Variants in UNC80 observed in about 807,000 individuals in gnomAD.
The protein encoded by UNC80 is protein unc-80 homolog.
Under a neutral mutation model 384.6 loss-of-function variants are expected in UNC80, and 164 were observed. The ratio of observed to expected loss-of-function variants is 0.43; its 90% confidence interval spans 0.38 to 0.49. The LOEUF (loss-of-function observed/expected upper bound fraction) is 0.49. UNC80 is among the 20% of genes least tolerant of loss of function. UNC80 has a pLI of 0.00. For synonymous variants in UNC80, 1,486 were observed against 1,527.8 expected (o/e 0.97, Z 0.64); for missense variants, 3,330 against 4,143.0 (o/e 0.80, Z 5.39).
intron 48 of UNC80, among the ~76,000 whole-genome samples, chr2:209,955,712 T>TAC (rs2092376152): frequency 1.3e-5 from 1 of 75,652 alleles, no homozygotes; most frequent in Non-Finnish European, 2.4e-5. Flanking sequence ...TATATATATA[T>TAC]ATATATATAT....
At chr2:209,963,610 T>C (rs1488153592) in intron 51 of UNC80, among the ~76,000 whole-genome samples, 1 of 152,238 alleles carries the variant, frequency 6.6e-6, no homozygotes, top group Non-Finnish European at 1.5e-5. Context: ...GATATACTCT[T>C]ATTTGTCACA....
intron 64 of UNC80, among the ~76,000 whole-genome samples, 200 bp downstream of exon 64, chr2:209,994,464 A>C (rs1010205147): frequency 1.3e-5 from 2 of 152,222 alleles, no homozygotes; most frequent in Non-Finnish European, 2.9e-5. Context: ...AAGAAGGACC[A>C]AGAAAAGCCT....
At chr2:209,866,490 C>CCCCCCACA (rs1420955284) in intron 22 of UNC80, among the ~76,000 whole-genome samples, 12 of 107,632 alleles carry the variant, frequency 1.1e-4, no homozygotes, top group Non-Finnish European at 1.5e-4. Context: ...AAATGCACCC[C>CCCCCCACA]CACACACACA....
rs2093013887 is a variant in UNC80 at position 209,976,360 on chromosome 2, C to T, written c.8772+57C>T. 2 of 1,547,750 alleles carry T rather than the reference C, an allele frequency of 1.3e-6. No homozygotes were observed. Among genetic ancestry groups the T allele is most frequent in the Non-Finnish European group, 8.7e-7 (1 of 1,144,070 alleles). ...CAAGCTCAAATGAATGTGTGGCTCT[C>T]TACTGAGGCAGGAATATGGCAGGAG... On this transcript the variant is annotated intron_variant, in intron 57 of 64. Coordinates refer to ENST00000673920, the MANE Select transcript of UNC80 (RefSeq NM_001371986.1). This position sits in a 1 kb window ranked among gnomAD's most constrained non-coding sequence, Gnocchi z 4.3.
In UNC80 at chr2:209,781,144, C is replaced by T. The variant is rs1472306772; in HGVS notation, c.600+3585C>T. On this transcript the variant is annotated intron_variant, in intron 4 of 64. Coordinates refer to ENST00000673920, the MANE Select transcript of UNC80 (RefSeq NM_001371986.1). Reference sequence around the variant, plus strand: ...CCAACATGTAATCAAAGCATGAACCCATGCCTCCATATCCTCACCTCCCAT... The same window carrying T: ...CCAACATGTAATCAAAGCATGAACCTATGCCTCCATATCCTCACCTCCCAT... 3.3e-5 allele frequency among the ~76,000 whole-genome samples: 5 copies of T among 152,122 alleles called. No individual in the cohort carries two copies. In the East Asian group the frequency reaches 9.7e-4, roughly 29 times the overall value.
chr2:209,802,182 C>T (rs2078604429), intron 7 of UNC80, among the ~76,000 whole-genome samples: 1 of 151,724 alleles, frequency 6.6e-6, no homozygotes, highest in Admixed American at 6.6e-5. Flanking sequence ...AGATGTTGAT[C>T]AAAGGGTATA....
intron 21 of UNC80, among the ~76,000 whole-genome samples, chr2:209,844,663 C>T (rs1445576486): frequency 6.6e-6 from 1 of 151,364 alleles, no homozygotes; most frequent in Non-Finnish European, 1.5e-5. Flanking sequence ...AATCATAGTC[C>T]ACTGCCGCCT....
chr2:209,890,002 G>A (rs1270538401), intron 26 of UNC80, among the ~76,000 whole-genome samples: 1 of 151,976 alleles, frequency 6.6e-6, no homozygotes, highest in African/African-American at 2.4e-5. Context: ...CCAGCTACTT[G>A]TCTTTTATTC....
chr2:209,889,472 G>C (rs1356226847), intron 26 of UNC80, among the ~76,000 whole-genome samples: 1 of 152,082 alleles, frequency 6.6e-6, no homozygotes, highest in Non-Finnish European at 1.5e-5. Flanking sequence ...TCATGTTTCT[G>C]TCCCTCTGTC....
At chr2:209,897,732 C>T (rs1244049494) in intron 28 of UNC80, among the ~76,000 whole-genome samples, 1 of 152,136 alleles carries the variant, frequency 6.6e-6, no homozygotes, top group Non-Finnish European at 1.5e-5. Context: ...TTCAATAATG[C>T]CTTTTAGTTT....
At chr2:209,816,831 G>T in intron 9 of UNC80, 78 bp from the exon 10 acceptor site, 1 of 1,344,730 alleles carries the variant, frequency 7.4e-7, no homozygotes. Context: ...TTTTACTGCA[G>T]ATCATGGAGC....
intron 51 of UNC80, among the ~76,000 whole-genome samples, chr2:209,964,990 T>C (rs1265868677): frequency 6.6e-6 from 1 of 152,218 alleles, no homozygotes; most frequent in Non-Finnish European, 1.5e-5. Flanking sequence ...ATTTGTTAAA[T>C]GTCATACTGT....
chr2:209,863,882 A>T (rs2083515756), intron 22 of UNC80, among the ~76,000 whole-genome samples: 1 of 151,778 alleles, frequency 6.6e-6, no homozygotes, highest in South Asian at 2.1e-4. Context: ...CCCTTGATGG[A>T]GAGACGCTGC....
intron 48 of UNC80, among the ~76,000 whole-genome samples, chr2:209,957,186 T>G (rs2092449251): frequency 6.6e-6 from 1 of 152,230 alleles, no homozygotes; most frequent in Admixed American, 6.5e-5. Context: ...AGAATTCTTT[T>G]ATTCTTTGAT....
At chr2:209,984,545 G>C (rs1447811120) in intron 60 of UNC80, among the ~76,000 whole-genome samples, 1 of 152,150 alleles carries the variant, frequency 6.6e-6, no homozygotes, top group Non-Finnish European at 1.5e-5. Flanking sequence ...ATCTTCTACA[G>C]ATTCATTCTG....
At chr2:209,856,158 A>G (rs1015506578) in intron 22 of UNC80, among the ~76,000 whole-genome samples, 1 of 152,138 alleles carries the variant, frequency 6.6e-6, no homozygotes, top group Non-Finnish European at 1.5e-5. Context: ...ATTTTTAACA[A>G]TGTGGTGCTT....
At chr2:209,914,076 T>C in intron 31 of UNC80, 136 bp downstream of exon 31, 2 of 1,079,104 alleles carry the variant, frequency 1.9e-6, no homozygotes, top group Admixed American at 5.8e-5. Flanking sequence ...CTGTAGACTC[T>C]AGAGCTGTGT....
At chr2:209,979,174 G>A (rs1018054188) in intron 59 of UNC80, among the ~76,000 whole-genome samples, 9 of 152,142 alleles carry the variant, frequency 5.9e-5, no homozygotes, top group Admixed American at 1.3e-4. Flanking sequence ...ACTTGAACCC[G>A]GGAGGCAGAG....
intron 64 of UNC80, among the ~76,000 whole-genome samples, chr2:209,994,476 G>A (rs2093449354): frequency 6.6e-6 from 1 of 152,118 alleles, no homozygotes; most frequent in Non-Finnish European, 1.5e-5. Context: ...GAAAAGCCTT[G>A]CTATTTTTAC....
Sources: gnomAD v4.1 joint callset for allele counts (sites outside exome capture counted in the v4.1 genomes callset) on GRCh38, gnomAD v4.1.1 for gene constraint, Gnocchi (gnomAD v3.1) non-coding constraint, MANE v1.5 for transcripts, NCBI Gene and HGNC (gene_info 2026-07-23, HGNC 2026-07-21) for gene names.